CFTR: variants seen among roughly 807,000 people sequenced by gnomAD.
CFTR encodes the protein cystic fibrosis transmembrane conductance regulator.
Under a neutral mutation model 171.6 loss-of-function variants are expected in CFTR, and 181 were observed. That is an observed-to-expected ratio of 1.05 (90% CI 0.93 to 1.19). The LOEUF (loss-of-function observed/expected upper bound fraction) is 1.19. Ranked by LOEUF, CFTR falls within the 50% of genes most tolerant of loss-of-function variation. CFTR has a pLI of 0.00. For missense variants in CFTR, 1,968 were observed against 1,734.7 expected (o/e 1.13, Z -2.39); for synonymous variants, 583 against 608.0 (o/e 0.96, Z 0.60).
chr7:117,513,082 C>T (rs965874034), intron 3 of CFTR, among the ~76,000 whole-genome samples: 1 of 151,862 alleles, frequency 6.6e-6, no homozygotes, highest in African/African-American at 2.4e-5. Context: ...GTCTTTGGCC[C>T]CCTAAAGGTT....
chr7:117,512,633 CAAAAA>C (rs5886861), intron 3 of CFTR, among the ~76,000 whole-genome samples: 1 of 68,900 alleles, frequency 1.5e-5, no homozygotes, highest in East Asian at 4.3e-4. Context: ...GACTCCATCT[CAAAAA>C]AAAAAAAAAA....
chr7:117,602,684 C>T, intron 15 of CFTR, 142 bp from the exon 16 acceptor site: 1 of 802,392 alleles, frequency 1.2e-6, no homozygotes, highest in South Asian at 1.4e-5. Context: ...GACCCAGGAA[C>T]ACAAAGCAAA....
At chr7:117,635,887 A>G (rs1007077877) in intron 22 of CFTR, among the ~76,000 whole-genome samples, 1 of 152,136 alleles carries the variant, frequency 6.6e-6, no homozygotes, top group African/African-American at 2.4e-5. Flanking sequence ...TCGTTAAATC[A>G]ATTAAGAGTA....
intron 9 of CFTR, among the ~76,000 whole-genome samples, chr7:117,545,337 G>A (rs996580942): frequency 1.3e-5 from 2 of 152,156 alleles, no homozygotes; most frequent in African/African-American, 4.8e-5. Flanking sequence ...ATTTGGGTGA[G>A]GACATAGCCA....
At chr7:117,591,706 TCA>T (rs1186548063) in intron 13 of CFTR, among the ~76,000 whole-genome samples, 2 of 152,140 alleles carry the variant, frequency 1.3e-5, no homozygotes, top group African/African-American at 4.8e-5. Flanking sequence ...AATTTCATTC[TCA>T]GTCTGTTAAC....
In CFTR at chr7:117,592,554, T is replaced by A; in HGVS notation, c.2387T>A (p.Leu796Gln). 6.6e-7 allele frequency: 1 copy of A among 1,521,192 alleles called. No homozygotes were observed. The highest frequency in any genetic ancestry group is 8.8e-7 in the Non-Finnish European group (1 of 1,137,276). The allele number at this position is 1,521,192 out of a possible 1,614,324, so 94.2% of individuals were successfully genotyped here. A position where few individuals can be genotyped will look rare whatever the true frequency, so the allele number is the denominator to read the frequency against. ...KTTASTRKVSLAPQANLTELD... is the reference protein window; with the variant it reads ...KTTASTRKVSQAPQANLTELD... The stretch of plus-strand genomic sequence containing the variant: ...ACAGCATCCACACGAAAAGTGTCAC[T>A]GGCCCCTCAGGCAAACTTGACTGAA... The change falls in exon 14 of 27, where the codon CTG becomes CAG. Residue 796 changes from leucine to glutamine, a missense_variant. Physicochemically the swap from Leu to Gln is moderately radical, Grantham distance 113. Coordinates refer to ENST00000003084, the MANE Select transcript of CFTR (RefSeq NM_000492.4).
chr7:117,539,130 G>A (rs1350409710), intron 7 of CFTR, among the ~76,000 whole-genome samples: 1 of 152,124 alleles, frequency 6.6e-6, no homozygotes, highest in African/African-American at 2.4e-5. Context: ...TTGGGCAAGA[G>A]CTGGGTGGGG....
intron 22 of CFTR, among the ~76,000 whole-genome samples, chr7:117,630,395 A>C (rs1792722976): frequency 6.6e-6 from 1 of 152,116 alleles, no homozygotes; most frequent in African/African-American, 2.4e-5. Flanking sequence ...TTGAGAACTG[A>C]GCTGTGTATT....
At chr7:117,587,382 C>T (rs1791952238) in intron 11 of CFTR, among the ~76,000 whole-genome samples, 1 of 152,076 alleles carries the variant, frequency 6.6e-6, no homozygotes, top group South Asian at 2.1e-4. Flanking sequence ...GAGAAAAGTA[C>T]ATTTTAGTAT....
At chr7:117,602,627 G>C (rs904972443) in intron 15 of CFTR, among the ~76,000 whole-genome samples, 199 bp from the exon 16 acceptor site, 3 of 152,126 alleles carry the variant, frequency 2.0e-5, no homozygotes, top group African/African-American at 7.2e-5. Context: ...AACTTAATGT[G>C]GTCTCATCAC....
intron 7 of CFTR, among the ~76,000 whole-genome samples, chr7:117,538,895 C>G (rs1348230403): frequency 6.6e-6 from 1 of 152,188 alleles, no homozygotes; most frequent in Non-Finnish European, 1.5e-5. Context: ...CATTAAACTC[C>G]ATTTTCTTCA....
rs75791292 is a variant in CFTR at position 117,490,491 on chromosome 7, G to A, written c.53+10344G>A. 1.6e-4 allele frequency among the ~76,000 whole-genome samples: 24 copies of A among 152,046 alleles called. 1 individual carries two copies. In the East Asian group the frequency reaches 3.5e-3, roughly 22 times the overall value. ...TGAAGGCAGTCTGTTGGGGAATTTC[G>A]TCCTTCTCTGGGAGGCCAGCCTTTT... On this transcript the variant is annotated intron_variant, in intron 1 of 26. Transcript: ENST00000003084.
chr7:117,493,006 C>T (rs535525785), intron 1 of CFTR, among the ~76,000 whole-genome samples: 1 of 152,054 alleles, frequency 6.6e-6, no homozygotes, highest in East Asian at 1.9e-4. Flanking sequence ...AATTAAGAGC[C>T]ACCTAATAAA....
At chr7:117,578,548 C>T (rs1211315594) in intron 11 of CFTR, among the ~76,000 whole-genome samples, 2 of 151,962 alleles carry the variant, frequency 1.3e-5, no homozygotes, top group Non-Finnish European at 2.9e-5. Context: ...GAGTCAGCAC[C>T]CCAACCCTCA....
intron 22 of CFTR, among the ~76,000 whole-genome samples, chr7:117,635,411 A>G (rs1186284107): frequency 6.6e-6 from 1 of 152,042 alleles, no homozygotes; most frequent in Non-Finnish European, 1.5e-5. Flanking sequence ...TTTGTCTTTT[A>G]ATTGGTATAT....
At chr7:117,481,445 A>G (rs1428113253) in intron 1 of CFTR, among the ~76,000 whole-genome samples, 1 of 152,210 alleles carries the variant, frequency 6.6e-6, no homozygotes, top group African/African-American at 2.4e-5. Flanking sequence ...AAGAATGAAT[A>G]TTTCATGGAT....
chr7:117,528,388 G>C (rs199844741), intron 3 of CFTR, among the ~76,000 whole-genome samples: 813 of 93,224 alleles, frequency 8.7e-3, no homozygotes, highest in African/African-American at 0.023. Context: ...AGATTTAAAC[G>C]TTAGACCTAA....
chr7:117,496,972 T>G (rs1363165636), intron 1 of CFTR, among the ~76,000 whole-genome samples: 2 of 152,140 alleles, frequency 1.3e-5, no homozygotes, highest in African/African-American at 4.8e-5. Context: ...CTTGATGGTG[T>G]CCTTTGAAGC....
intron 24 of CFTR, among the ~76,000 whole-genome samples, chr7:117,654,068 C>G (rs1793127743): frequency 6.6e-6 from 1 of 152,184 alleles, no homozygotes; most frequent in South Asian, 2.1e-4. Context: ...TGTCTTACCT[C>G]TGGACACACT....
Sources: gnomAD v4.1 joint callset for allele counts (sites outside exome capture counted in the v4.1 genomes callset) on GRCh38, gnomAD v4.1.1 for gene constraint, MANE v1.5 for transcripts, NCBI Gene and HGNC (gene_info 2026-07-23, HGNC 2026-07-21) for gene names.